The following FLOT1 variants were observed in gnomAD, a reference collection of about 807,000 sequenced individuals.
The protein encoded by FLOT1 is flotillin-1.
In FLOT1, 40 loss-of-function variants were observed where a neutral mutation model predicts 58.4. The ratio of observed to expected loss-of-function variants is 0.69; its 90% CI spans 0.53 to 0.89. FLOT1 has a LOEUF of 0.89. FLOT1 is among the 40% of genes least tolerant of loss of function. The pLI, the probability that FLOT1 is intolerant of heterozygous loss-of-function variation, is 0.00. For synonymous variants in FLOT1, 178 were observed against 204.2 expected, an observed-to-expected ratio of 0.87 and a Z score of 1.09; for missense variants, 423 against 540.8, an observed-to-expected ratio of 0.78 and a Z score of 2.16.
rs1376507452 is a variant in FLOT1 at position 30,730,414 on chromosome 6, C to A, written c.1089+14G>T. 3 of 1,551,786 alleles carry A rather than the reference C, an allele frequency of 1.9e-6. No homozygotes were observed. On this transcript the variant is annotated intron_variant, in intron 11 of 12. Transcript: ENST00000376389. ...CTATTTCCTCCTTTCTTGGTGCCCACATGACCTCCAGACCTGGGGCAGCTT... is the reference window on the plus strand; with the variant it reads ...CTATTTCCTCCTTTCTTGGTGCCCAAATGACCTCCAGACCTGGGGCAGCTT...
Position 30,728,102 on chromosome 6 carries a change from T to G in FLOT1, c.*14A>C, listed in dbSNP as rs775863888. The G allele has an allele frequency of 1.9e-6, 3 of 1,612,686 alleles. No homozygotes were observed. The highest frequency in any genetic ancestry group is 2.5e-6 in the Non-Finnish European group (3 of 1,179,724). ...CTTCAGCTATGAGGCTGGGCATCTGTGAGGGCTGAAGGCTCAGGCTGTTCT... is the reference window on the plus strand; with the variant it reads ...CTTCAGCTATGAGGCTGGGCATCTGGGAGGGCTGAAGGCTCAGGCTGTTCT... On this transcript the variant is annotated 3_prime_UTR_variant, in exon 13 of 13. Coordinates refer to ENST00000376389, the MANE Select transcript of FLOT1 (RefSeq NM_005803.4).
intron 7 of FLOT1, 63 bp downstream of exon 7, chr6:30,740,433 T>C (rs1216335489): frequency 6.3e-7 from 1 of 1,591,048 alleles, no homozygotes; most frequent in Non-Finnish European, 8.6e-7. Context: ...CCAGCACCCC[T>C]GCTTCTTCTC....
rs1778077418 is a variant in FLOT1, at chr6:30,742,454, G to A, written c.-15+73C>T. On this transcript the variant is annotated intron_variant, in intron 1 of 12. Transcript: ENST00000376389. This position sits in a 1 kb window ranked among gnomAD's most constrained non-coding sequence, Gnocchi z 5.2. ...CTTTGATAAAGGTCCCCCGCGCCCA[G>A]AGGCCTGCAGACCTTTCCCCTCTCT... is the stretch of plus-strand genomic sequence containing the variant. 3.5e-6 allele frequency: 2 copies of A among 567,908 alleles called. No homozygotes were observed. Among genetic ancestry groups the A allele is most frequent in the African/African-American group, 1.9e-5 (1 of 52,188 alleles). 35.2% of individuals were successfully genotyped at this position (567,908 alleles called of 1,614,324 possible).
At position 30,731,439 on chromosome 6, in the gene FLOT1, C is replaced by G. The variant is rs191211480; in HGVS notation, c.724-339G>C. 3.5e-4 allele frequency among the ~76,000 whole-genome samples: 51 copies of G among 145,650 alleles called. No homozygotes were observed. The East Asian group carries it at 0.01, about 29-fold the overall frequency. On this transcript the variant is annotated intron_variant, in intron 8 of 12. Transcript: ENST00000376389. ...GGCGAAGGTTGCAGTGAGCTGGGATCACGCCACTGCACTCCACCCTGGGCA... is the reference window on the plus strand; with the variant it reads ...GGCGAAGGTTGCAGTGAGCTGGGATGACGCCACTGCACTCCACCCTGGGCA...
intron 8 of FLOT1, among the ~76,000 whole-genome samples, chr6:30,732,603 C>T (rs546426754): frequency 6.6e-6 from 1 of 152,240 alleles, no homozygotes; most frequent in East Asian, 1.9e-4. Context: ...CCACCTGCCT[C>T]GGCTTCCCAA....
In FLOT1 at chr6:30,730,009, C is replaced by G. The variant is rs1210880630; in HGVS notation, c.1254+13G>C. 2 of 1,612,214 alleles carry G rather than the reference C, an allele frequency of 1.2e-6. No homozygotes were observed. Among genetic ancestry groups the G allele is most frequent in the African/African-American group, 2.7e-5 (2 of 74,912 alleles). On this transcript the variant is annotated intron_variant, in intron 12 of 12. Transcript: ENST00000376389. ...ACCTAGCAATTCTCCTCAGCTCCAACCTGAGACCTCACCTGGGAGATGCTC... is the reference window on the plus strand; with the variant it reads ...ACCTAGCAATTCTCCTCAGCTCCAAGCTGAGACCTCACCTGGGAGATGCTC...
intron 8 of FLOT1, 106 bp from the exon 9 acceptor site, chr6:30,731,206 C>G: frequency 2.5e-6 from 3 of 1,209,692 alleles, no homozygotes; most frequent in Non-Finnish European, 3.4e-6. Flanking sequence ...AGCCGGTGGC[C>G]GGGCGCGGTG....
chr6:30,728,649 T>G (rs544429600), intron 12 of FLOT1, among the ~76,000 whole-genome samples: 1 of 151,664 alleles, frequency 6.6e-6, no homozygotes, highest in East Asian at 1.9e-4. Context: ...TTTGTATTTT[T>G]GGTAGAGATG....
In FLOT1 at chr6:30,741,180, CT is replaced by C; in HGVS notation, c.354+9del. 1 of 1,612,822 alleles carries C rather than the reference CT, an allele frequency of 6.2e-7. No homozygotes were observed. The highest frequency in any genetic ancestry group is 8.5e-7 in the Non-Finnish European group (1 of 1,180,002). On this transcript the variant is annotated intron_variant, in intron 5 of 12. Transcript: ENST00000376389. The surrounding 1 kb of genome is among the most constrained non-coding windows in gnomAD (Gnocchi z 5.9). ...CATCCTTCCAGATGGTTCCCTGCCC[CT>C]AGGCCAACCTCCACAGTCATGTGGG... is the stretch of plus-strand genomic sequence containing the variant.
At position 30,741,803 on chromosome 6, in the gene FLOT1, T is replaced by C. The variant is rs762382993; in HGVS notation, c.108A>G (p.Gln36=). The C allele has an allele frequency of 8.1e-6, 13 of 1,612,714 alleles. No individual in the cohort carries two copies. Among genetic ancestry groups the C allele is most frequent in the Middle Eastern group, 1.7e-4 (1 of 6,060 alleles). ...GGRVFVLPCI[Q]QIQRISLNTL... ...CCCTTCTTGCCTACCTCTGGATCTG[T>C]TGGATGCAGGGCAGGACAAAGACAC... The change falls in exon 3 of 13, where the codon CAA becomes CAG. Residue 36 remains glutamine (Q), a synonymous_variant. Coordinates refer to ENST00000376389, the MANE Select transcript of FLOT1 (RefSeq NM_005803.4). This position sits in a 1 kb window ranked among gnomAD's most constrained non-coding sequence, Gnocchi z 5.9.
In FLOT1 at chr6:30,737,181, A is replaced by ATGACTGAC. The variant is rs200072270; in HGVS notation, c.723+2969_723+2976dup. Among the ~76,000 whole-genome samples the ATGACTGAC allele has an allele frequency of 1.5e-5, 2 of 135,514 alleles. No individual in the cohort carries two copies. The highest frequency in any genetic ancestry group is 2.2e-4 in the East Asian group (1 of 4,644). The allele number at this position is 135,514 out of a possible 152,430, so 88.9% of individuals were successfully genotyped here. ...TCCCCTGCCTAGCCACAAGCCACGT[A>ATGACTGAC]TGACTGACTGACTGACTGACTGTCT... On this transcript the variant is annotated intron_variant, in intron 8 of 12. Transcript: ENST00000376389. The surrounding 1 kb of genome is among the most constrained non-coding windows in gnomAD (Gnocchi z 4.4).
chr6:30,736,573 T>C (rs2127773214), intron 8 of FLOT1, among the ~76,000 whole-genome samples: 1 of 150,424 alleles, frequency 6.6e-6, no homozygotes, highest in South Asian at 2.1e-4. Flanking sequence ...ATCCATCATC[T>C]CTGAAAAAGA....
Position 30,741,454 on chromosome 6 carries a change from G to A in FLOT1, c.211-121C>T. 7.1e-6 allele frequency: 10 copies of A among 1,404,328 alleles called. No individual in the cohort carries two copies. The highest frequency in any genetic ancestry group is 9.9e-6 in the Non-Finnish European group (10 of 1,006,238). 87.0% of individuals were successfully genotyped at this position (1,404,328 alleles called of 1,614,324 possible). ...CTTCCATTTCAGGGAAAGAAAGGAGGAGGAGGCAAGTGCCTTGGGGTGCCT... is the reference window on the plus strand; with the variant it reads ...CTTCCATTTCAGGGAAAGAAAGGAGAAGGAGGCAAGTGCCTTGGGGTGCCT... On this transcript the variant is annotated intron_variant, in intron 4 of 12. Transcript: ENST00000376389. This position sits in a 1 kb window ranked among gnomAD's most constrained non-coding sequence, Gnocchi z 5.9.
rs895069808 is a variant in FLOT1, at chr6:30,737,325, G to A, written c.723+2833C>T. Among the ~76,000 whole-genome samples the A allele has an allele frequency of 7.9e-5, 12 of 151,912 alleles. No homozygotes were observed. The highest frequency in any genetic ancestry group is 2.7e-4 in the African/African-American group (11 of 41,350). Reference sequence around the variant, plus strand: ...GTCGCCCAGGCTGGAGTGCGGTGGCGCAATCTCGGCTCACTGTGCCTTCTG... The same window carrying A: ...GTCGCCCAGGCTGGAGTGCGGTGGCACAATCTCGGCTCACTGTGCCTTCTG... On this transcript the variant is annotated intron_variant, in intron 8 of 12. Transcript: ENST00000376389. The surrounding 1 kb of genome is among the most constrained non-coding windows in gnomAD (Gnocchi z 4.4).
Position 30,740,217 on chromosome 6 carries a change from C to T in FLOT1, c.664G>A (p.Ala222Thr), listed in dbSNP as rs753643195. The change falls in exon 8 of 13, where the codon GCC becomes ACC. Residue 222 changes from alanine (A) to threonine (T), a missense_variant. Around this residue, in one of 6 missense-constraint regions of FLOT1, gnomAD observed 137 missense variants for 194.6 expected, o/e 0.70. Coordinates refer to ENST00000376389, the MANE Select transcript of FLOT1 (RefSeq NM_005803.4). ...AQRDYELKKA[A>T]YDIEVNTRRA... is the part of the protein sequence containing the mutation. ...CGGGTGTTGACCTCGATGTCATAGG[C>T]GGCCTTCTTCAGTTCGTAATCTCTC... is the stretch of plus-strand genomic sequence containing the variant. 22 of 1,612,988 alleles carry T rather than the reference C, an allele frequency of 1.4e-5. No individual in the cohort carries two copies. The highest frequency in any genetic ancestry group is 2.7e-5 in the African/African-American group (2 of 75,020).
At position 30,730,698 on chromosome 6, in the gene FLOT1, T is replaced by C. The variant is rs751984205; in HGVS notation, c.935A>G (p.Glu312Gly). 3 of 1,613,380 alleles carry C rather than the reference T, an allele frequency of 1.9e-6. No homozygotes were observed. Among genetic ancestry groups the C allele is most frequent in the African/African-American group, 2.7e-5 (2 of 74,956 alleles). ...KSQLIMQAEA[E>G]AASVRMRGEA... ...TTAACTCACCCGCACAGACGCGGCTTCTGCCTCCGCCTGCATAATTAGTTG... is the reference window on the plus strand; with the variant it reads ...TTAACTCACCCGCACAGACGCGGCTCCTGCCTCCGCCTGCATAATTAGTTG... The change falls in exon 10 of 13, where the codon GAA becomes GGA. Residue 312 changes from glutamate to glycine, a missense_variant. By Grantham distance (98) the Glu-to-Gly change is moderately conservative (BLOSUM62 -2). This residue lies in a region of FLOT1 where 106 missense variants were observed against 88.4 expected (regional missense o/e 1.20). Transcript: ENST00000376389.
Position 30,741,943 on chromosome 6 carries a change from G to A in FLOT1, c.44-76C>T. The A allele has an allele frequency of 7.2e-7, 1 of 1,382,468 alleles. No individual in the cohort carries two copies. Among genetic ancestry groups the A allele is most frequent in the Middle Eastern group, 2.4e-4 (1 of 4,104 alleles). The allele number at this position is 1,382,468 out of a possible 1,614,324, so 85.6% of individuals were successfully genotyped here. On this transcript the variant is annotated intron_variant, in intron 2 of 12. Transcript: ENST00000376389. The surrounding 1 kb of genome is among the most constrained non-coding windows in gnomAD (Gnocchi z 5.9). ...ACTGAGGAACTGGCGGGGGTGAGGG[G>A]ACAGCAACCCACAGGAGAGAATCTG...
rs1191882106 is a variant in FLOT1 at position 30,737,608 on chromosome 6, C to T, written c.723+2550G>A. Among the ~76,000 whole-genome samples the T allele has an allele frequency of 6.6e-6, 1 of 152,128 alleles. No homozygotes were observed. The highest frequency in any genetic ancestry group is 1.5e-5 in the Non-Finnish European group (1 of 68,028). ...AGCACAGGCTAGAATATTCTTGGCT[C>T]AGAACTGTACATTGTTCCTTCTTAT... On this transcript the variant is annotated intron_variant, in intron 8 of 12. Transcript: ENST00000376389. This position sits in a 1 kb window ranked among gnomAD's most constrained non-coding sequence, Gnocchi z 4.4.
chr6:30,739,709 G>C (rs1777829088), intron 8 of FLOT1, among the ~76,000 whole-genome samples: 2 of 150,474 alleles, frequency 1.3e-5, no homozygotes, highest in South Asian at 4.2e-4. Context: ...TGTCACCCAG[G>C]CTGGAGTGCA....
Sources: gnomAD v4.1 joint callset for allele counts (sites outside exome capture counted in the v4.1 genomes callset) on GRCh38, gnomAD v4.1.1 for gene constraint, gnomAD v4.1.1 regional missense constraint, Gnocchi (gnomAD v3.1) non-coding constraint, MANE v1.5 for transcripts, NCBI Gene and HGNC (gene_info 2026-07-23, HGNC 2026-07-21) for gene names.